BNC2: variants seen among roughly 807,000 people sequenced by gnomAD.
The protein encoded by BNC2 is basonuclin zinc finger protein 2.
In BNC2, 20 loss-of-function variants were observed where a neutral mutation model predicts 76.3. The ratio of observed to expected loss-of-function variants is 0.26; its 90% CI spans 0.18 to 0.38. The LOEUF is 0.38. BNC2 is among the 10% of genes least tolerant of loss of function. BNC2 has a pLI of 1.00. For synonymous variants in BNC2, 582 were observed against 514.8 expected, an observed-to-expected ratio of 1.13 and a Z score of -1.77; for missense variants, 1,382 against 1,399.8, an observed-to-expected ratio of 0.99 and a Z score of 0.20.
intron 3 of BNC2, among the ~76,000 whole-genome samples, chr9:16,647,650 G>T (rs1290871027): frequency 6.6e-6 from 1 of 151,356 alleles, no homozygotes; most frequent in East Asian, 1.9e-4. Context: ...GGAGAGAGAG[G>T]GTTTATCAGG....
At chr9:16,440,218 G>A (rs1821097976) in intron 5 of BNC2, among the ~76,000 whole-genome samples, 1 of 152,158 alleles carries the variant, frequency 6.6e-6, no homozygotes, top group Non-Finnish European at 1.5e-5. Flanking sequence ...ACTAATTGAA[G>A]GCCCAGGAGT....
intron 1 of BNC2, among the ~76,000 whole-genome samples, chr9:16,854,840 CT>C (rs1819214206): frequency 6.6e-6 from 1 of 151,834 alleles, no homozygotes; most frequent in Admixed American, 6.6e-5. Flanking sequence ...GGGGTAAACA[CT>C]GTCAATACTC....
chr9:16,464,924 T>A (rs1056426959), intron 5 of BNC2, among the ~76,000 whole-genome samples: 1 of 152,148 alleles, frequency 6.6e-6, no homozygotes, highest in African/African-American at 2.4e-5. Context: ...CTAAATAAAT[T>A]AGGAAGTGAT....
intron 3 of BNC2, among the ~76,000 whole-genome samples, chr9:16,616,124 C>T (rs938326080): frequency 2.6e-5 from 4 of 152,186 alleles, no homozygotes; most frequent in African/African-American, 9.7e-5. Flanking sequence ...TGGTAGCTCA[C>T]ACCTATAATC....
intron 1 of BNC2, among the ~76,000 whole-genome samples, chr9:16,818,859 G>A (rs1327812776): frequency 7.9e-6 from 1 of 127,048 alleles, no homozygotes; most frequent in Non-Finnish European, 1.7e-5. Flanking sequence ...TTAAAGGAGT[G>A]AGGCATTTTT....
intron 1 of BNC2, among the ~76,000 whole-genome samples, chr9:16,854,562 A>T (rs576097433): frequency 2.0e-5 from 3 of 152,266 alleles, no homozygotes; most frequent in African/African-American, 7.2e-5. Flanking sequence ...CTTGCAATAT[A>T]TATCTTTTTT....
intron 1 of BNC2, among the ~76,000 whole-genome samples, chr9:16,800,775 C>T (rs1052953476): frequency 6.6e-6 from 1 of 152,086 alleles, no homozygotes; most frequent in African/African-American, 2.4e-5. Context: ...CATCTGGTAC[C>T]TGGTACAAAG....
chr9:16,737,336 C>T lies in BNC2; in HGVS notation c.129+1024G>A, dbSNP rs143333878. ...CGCAATCTTGGCTTACTGCAAGCTC[C>T]GCCTCCCAAGCTCACACCATTCTCC... On this transcript the variant is annotated intron_variant, in intron 2 of 6. Coordinates refer to ENST00000380672, the MANE Select transcript of BNC2 (RefSeq NM_017637.6). 0.022 allele frequency among the ~76,000 whole-genome samples: 3,310 copies of T among 149,818 alleles called. 401 individuals carry two copies. The East Asian group carries it at 0.35, about 16-fold the overall frequency.
intron 5 of BNC2, among the ~76,000 whole-genome samples, chr9:16,524,093 C>G (rs56062233): frequency 0.023 from 3,559 of 152,228 alleles, 93 homozygotes; most frequent in African/African-American, 0.066. Flanking sequence ...TCTTTACTAC[C>G]TAATGAGCAC....
chr9:16,750,473 C>T (rs966827877), intron 1 of BNC2, among the ~76,000 whole-genome samples: 4 of 152,162 alleles, frequency 2.6e-5, no homozygotes, highest in Non-Finnish European at 4.4e-5. Flanking sequence ...CCTTGCATTA[C>T]GGAGATGTTA....
Position 16,413,212 on chromosome 9 carries a change from G to A in BNC2, c.*5777C>T, listed in dbSNP as rs953832290. ...AGATTTTTTTTTTTCCTGCAGTAAA[G>A]GTCAAATGAATTTACAACAGCACTT... is the stretch of plus-strand genomic sequence containing the variant. On this transcript the variant is annotated 3_prime_UTR_variant, in exon 7 of 7. Coordinates refer to ENST00000380672, the MANE Select transcript of BNC2 (RefSeq NM_017637.6). 1 of 151,816 alleles carries A rather than the reference G, an allele frequency of 6.6e-6. No homozygotes were observed. Among genetic ancestry groups the A allele is most frequent in the African/African-American group, 2.4e-5 (1 of 41,272 alleles). The allele number at this position is 151,816 out of a possible 1,614,324, so 9.4% of individuals were successfully genotyped here. A position where few individuals can be genotyped will look rare whatever the true frequency, so the allele number is the denominator to read the frequency against.
At chr9:16,827,801 C>G (rs1444185709) in intron 1 of BNC2, among the ~76,000 whole-genome samples, 1 of 151,852 alleles carries the variant, frequency 6.6e-6, no homozygotes, top group African/African-American at 2.4e-5. Context: ...TACAGGAATA[C>G]AAAAACAAAA....
At chr9:16,679,407 T>C (rs1053071657) in intron 3 of BNC2, among the ~76,000 whole-genome samples, 2 of 152,232 alleles carry the variant, frequency 1.3e-5, no homozygotes, top group Non-Finnish European at 2.9e-5. Flanking sequence ...TCATTTACAG[T>C]ATCTGTTTCA....
At chr9:16,784,121 A>T (rs1316529788) in intron 1 of BNC2, among the ~76,000 whole-genome samples, 1 of 152,178 alleles carries the variant, frequency 6.6e-6, no homozygotes, top group Non-Finnish European at 1.5e-5. Context: ...AACAAACATG[A>T]CTATCTTCTT....
intron 3 of BNC2, among the ~76,000 whole-genome samples, chr9:16,592,323 G>A (rs907052332): frequency 6.6e-6 from 1 of 151,928 alleles, no homozygotes; most frequent in African/African-American, 2.4e-5. Flanking sequence ...ACAAAATTCA[G>A]TATATTAATA....
chr9:16,498,883 G>C (rs533993206), intron 5 of BNC2, among the ~76,000 whole-genome samples: 354 of 152,158 alleles, frequency 2.3e-3, no homozygotes, highest in Non-Finnish European at 3.9e-3. Context: ...GTCCCTGCCA[G>C]GGGTTGTCAC....
chr9:16,781,627 G>T (rs1164991305), intron 1 of BNC2, among the ~76,000 whole-genome samples: 1 of 152,112 alleles, frequency 6.6e-6, no homozygotes, highest in Non-Finnish European at 1.5e-5. Context: ...AAATATGAAA[G>T]ATTTAATTAA....
At chr9:16,775,727 T>C (rs7024466) in intron 1 of BNC2, 129,702 of 218,058 alleles carry the variant, frequency 0.59, 44,563 homozygotes, top group Non-Finnish European at 0.76. Flanking sequence ...GGGTGTGTCA[T>C]TCTCATTTTC....
At chr9:16,839,857 C>T (rs1176140242) in intron 1 of BNC2, among the ~76,000 whole-genome samples, 1 of 152,206 alleles carries the variant, frequency 6.6e-6, no homozygotes, top group Non-Finnish European at 1.5e-5. Flanking sequence ...CATGTACCTA[C>T]GTACAAACAT....
Sources: gnomAD v4.1 joint callset for allele counts (sites outside exome capture counted in the v4.1 genomes callset) on GRCh38, gnomAD v4.1.1 for gene constraint, MANE v1.5 for transcripts, NCBI Gene and HGNC (gene_info 2026-07-23, HGNC 2026-07-21) for gene names.